CCDC141: variants seen among roughly 807,000 people sequenced by gnomAD.
The protein encoded by CCDC141 is coiled-coil domain-containing protein 141.
In CCDC141, 168 loss-of-function variants were observed where a neutral mutation model predicts 181.0. That is an observed-to-expected ratio of 0.93 (90% CI 0.82 to 1.05). CCDC141 has a LOEUF of 1.05. CCDC141 is among the 50% of genes least tolerant of loss of function. The probability of loss-of-function intolerance (pLI) is 0.00; values close to 1 mark genes in which losing one functional copy is unlikely to be tolerated. For synonymous variants in CCDC141, 666 were observed against 642.3 expected (o/e 1.04, Z -0.56); for missense variants, 1,902 against 1,788.5 (o/e 1.06, Z -1.14).
chr2:179,032,313 T>G (rs1400625198), intron 2 of CCDC141, among the ~76,000 whole-genome samples: 1 of 152,202 alleles, frequency 6.6e-6, no homozygotes, highest in Non-Finnish European at 1.5e-5. Context: ...GGTTTAGGCA[T>G]CTGCCTGGTT....
chr2:179,015,288 T>C (rs1187141371), intron 2 of CCDC141, among the ~76,000 whole-genome samples: 1 of 124,320 alleles, frequency 8.0e-6, no homozygotes, highest in African/African-American at 2.9e-5. Context: ...CTATCTCTCA[T>C]ATATCTCATA....
chr2:178,903,671 G>A (rs1009602894), intron 8 of CCDC141, among the ~76,000 whole-genome samples: 2 of 151,544 alleles, frequency 1.3e-5, no homozygotes, highest in South Asian at 4.2e-4. Context: ...ACGAGTTAAT[G>A]GGTGCAGCAC....
intron 17 of CCDC141, among the ~76,000 whole-genome samples, chr2:178,860,105 A>G (rs1364898161): frequency 3.3e-5 from 5 of 152,200 alleles, no homozygotes; most frequent in African/African-American, 1.2e-4. Context: ...CACAATGTCC[A>G]CTTCATGAAT....
At chr2:178,930,270 A>T (rs988953444) in intron 6 of CCDC141, among the ~76,000 whole-genome samples, 1 of 152,168 alleles carries the variant, frequency 6.6e-6, no homozygotes, top group Non-Finnish European at 1.5e-5. Flanking sequence ...TGGAAAACTT[A>T]TACAAGGAAA....
chr2:178,850,894 T>C (rs987481597), intron 20 of CCDC141, among the ~76,000 whole-genome samples: 3 of 152,180 alleles, frequency 2.0e-5, no homozygotes, highest in Admixed American at 6.5e-5. Context: ...ATTTTACAAA[T>C]GAGGAATGTG....
chr2:179,017,608 A>T (rs188163522), intron 2 of CCDC141, among the ~76,000 whole-genome samples: 8 of 152,278 alleles, frequency 5.3e-5, no homozygotes, highest in African/African-American at 1.9e-4. Flanking sequence ...ACACTGTCTG[A>T]GGTGAAAAAA....
At chr2:178,895,846 A>G (rs1403173345) in intron 8 of CCDC141, among the ~76,000 whole-genome samples, 1 of 152,220 alleles carries the variant, frequency 6.6e-6, no homozygotes, top group African/African-American at 2.4e-5. Context: ...AGACAAATCT[A>G]CTAGGCAAAG....
Position 178,829,815 on chromosome 2 carries a change from AT to A in CCDC141, c.*4357del, listed in dbSNP as rs1214283729. On this transcript the variant is annotated 3_prime_UTR_variant, in exon 24 of 24. Coordinates refer to ENST00000443758, the MANE Select transcript of CCDC141 (RefSeq NM_173648.4). ...AACTTATTTCATGGCTGCACTTAAA[AT>A]GCTGTGCATACAACAGGAGTTTCAA... The A allele has an allele frequency of 3.3e-5, 5 of 152,358 alleles. No individual in the cohort carries two copies. The highest frequency in any genetic ancestry group is 7.4e-5 in the Non-Finnish European group (5 of 68,018). The allele number at this position is 152,358 out of a possible 1,614,324, so 9.4% of individuals were successfully genotyped here.
chr2:178,891,487 C>T (rs1445616661), intron 8 of CCDC141, among the ~76,000 whole-genome samples: 1 of 152,124 alleles, frequency 6.6e-6, no homozygotes, highest in Admixed American at 6.6e-5. Context: ...TAAAATTTCA[C>T]TTTGCCTTGA....
intron 17 of CCDC141, among the ~76,000 whole-genome samples, chr2:178,863,767 T>A (rs565372861): frequency 6.6e-6 from 1 of 152,202 alleles, no homozygotes; most frequent in African/African-American, 2.4e-5. Context: ...GTAAGTTACA[T>A]GAAAGATTAA....
chr2:179,047,051 C>T (rs1445276852), intron 2 of CCDC141, among the ~76,000 whole-genome samples: 1 of 152,150 alleles, frequency 6.6e-6, no homozygotes, highest in East Asian at 1.9e-4. Flanking sequence ...CATTTCTCCA[C>T]AGTGAAAATA....
At chr2:178,991,581 C>T (rs1271865391) in intron 2 of CCDC141, among the ~76,000 whole-genome samples, 1 of 151,874 alleles carries the variant, frequency 6.6e-6, no homozygotes, top group Non-Finnish European at 1.5e-5. Context: ...CTAATGGGTA[C>T]AAAAATACAG....
At chr2:178,884,647 G>A (rs183444218) in intron 11 of CCDC141, among the ~76,000 whole-genome samples, 11 of 152,198 alleles carry the variant, frequency 7.2e-5, no homozygotes, top group South Asian at 2.1e-4. Flanking sequence ...TTTGGAAAAC[G>A]CACAGGTCAC....
At chr2:178,941,431 T>C (rs566769543) in intron 6 of CCDC141, among the ~76,000 whole-genome samples, 2 of 152,330 alleles carry the variant, frequency 1.3e-5, no homozygotes, top group Admixed American at 6.5e-5. Context: ...CAAGTATCTT[T>C]AGAACCTTTT....
At chr2:178,963,952 CA>C (rs1690512583) in intron 4 of CCDC141, among the ~76,000 whole-genome samples, 1 of 152,090 alleles carries the variant, frequency 6.6e-6, no homozygotes, top group Non-Finnish European at 1.5e-5. Flanking sequence ...TCAGGGAGAA[CA>C]TTATAATTCA....
chr2:178,970,936 A>AATATC (rs1690856916), intron 4 of CCDC141, among the ~76,000 whole-genome samples: 1 of 152,222 alleles, frequency 6.6e-6, no homozygotes, highest in Non-Finnish European at 1.5e-5. Flanking sequence ...AAGGCCGGGC[A>AATATC]CAGTGGCTCA....
In CCDC141 at chr2:178,850,111, CTT is replaced by C. The variant is rs762108227; in HGVS notation, c.3293_3294del (p.Lys1098ArgfsTer4). The C allele has an allele frequency of 2.3e-5, 37 of 1,612,024 alleles. No homozygotes were observed. Among genetic ancestry groups the C allele is most frequent in the Non-Finnish European group, 3.1e-5 (36 of 1,178,716 alleles). The part of the protein sequence containing the change: ...KYIEKIVTKH[K>X]EVLESVTELC... ...AATTCAGTCACAGATTCAAGAACCTCTTTGTGTTTTGTCACTATTTTCTCAAT... is the reference window on the plus strand; with the variant it reads ...AATTCAGTCACAGATTCAAGAACCTCTGTGTTTTGTCACTATTTTCTCAAT... On this transcript the variant is annotated frameshift_variant, in exon 21 of 24. Transcript: ENST00000443758. LOFTEE classifies it high-confidence loss of function.
intron 17 of CCDC141, among the ~76,000 whole-genome samples, chr2:178,865,375 C>T (rs186166812): frequency 2.0e-5 from 3 of 152,258 alleles, no homozygotes; most frequent in East Asian, 1.9e-4. Flanking sequence ...TTGGCTGCAA[C>T]GAACTGGTCA....
At chr2:178,893,811 A>ACG (rs1475566243) in intron 8 of CCDC141, among the ~76,000 whole-genome samples, 16 of 138,746 alleles carry the variant, frequency 1.2e-4, no homozygotes, top group African/African-American at 3.9e-4. Context: ...ACACACACAC[A>ACG]CACACACACA....
Sources: allele counts gnomAD v4.1 joint callset (sites outside exome capture counted in the v4.1 genomes callset), GRCh38; gene constraint gnomAD v4.1.1; transcripts MANE v1.5; gene names NCBI Gene and HGNC (gene_info 2026-07-23, HGNC 2026-07-21).